GRIP1: variants seen among roughly 807,000 people sequenced by gnomAD.
The protein encoded by GRIP1 is glutamate receptor-interacting protein 1.
A neutral mutation model predicts 129.9 loss-of-function variants in GRIP1; 45 were observed. The ratio of observed to expected loss-of-function variants is 0.35; its 90% CI spans 0.27 to 0.44. The LOEUF (loss-of-function observed/expected upper bound fraction) is 0.44. GRIP1 is among the 20% of genes least tolerant of loss of function. GRIP1 has a pLI of 1.00. For missense variants in GRIP1, 1,196 were observed against 1,396.8 expected, an observed-to-expected ratio of 0.86 and a Z score of 2.29; for synonymous variants, 530 against 520.8, an observed-to-expected ratio of 1.02 and a Z score of -0.24.
chr12:66,723,307 T>C lies in GRIP1; in HGVS notation c.-420+80746A>G, dbSNP rs60196018. ...TCCTTTCTTTCTTTCTTTCTTTCTTTTTTTTTTTTTTTTTTTTTTTTTTGA... is the reference window on the plus strand; with the variant it reads ...TCCTTTCTTTCTTTCTTTCTTTCTTCTTTTTTTTTTTTTTTTTTTTTTTGA... On this transcript the variant is annotated intron_variant, in intron 1 of 4. Coordinates refer to the GRIP1 transcript ENST00000538373. Among the ~76,000 whole-genome samples, 10 of 25,958 alleles carry C rather than the reference T, an allele frequency of 3.9e-4. 1 individual carries two copies. The highest frequency in any genetic ancestry group is 1.6e-3 in the African/African-American group (8 of 5,090). The allele number at this position is 25,958 out of a possible 152,430, so 17.0% of individuals were successfully genotyped here.
rs141953032 is a variant in GRIP1 at position 66,458,586 on chromosome 12, T to C, written c.1043-2244A>G. Among the ~76,000 whole-genome samples, 249 of 152,316 alleles carry C rather than the reference T, an allele frequency of 1.6e-3. 5 individuals carry two copies. The East Asian group carries it at 0.03, about 18-fold the overall frequency. ...TTTTGGTAGAGATGGGGTTTTGCCA[T>C]GTTAGCCAGGCTGGTCTCAAACTCC... On this transcript the variant is annotated intron_variant, in intron 9 of 24. Coordinates refer to ENST00000359742, the MANE Select transcript of GRIP1 (RefSeq NM_001366722.1).
chr12:66,711,642 G>A (rs530661794), intron 1 of GRIP1, among the ~76,000 whole-genome samples: 2 of 151,694 alleles, frequency 1.3e-5, no homozygotes, highest in African/African-American at 4.8e-5. Flanking sequence ...TCCAATCCTT[G>A]GTAAATTTAT....
chr12:66,505,719 G>A (rs915982879), intron 7 of GRIP1, among the ~76,000 whole-genome samples: 2 of 152,064 alleles, frequency 1.3e-5, no homozygotes, highest in Non-Finnish European at 2.9e-5. Context: ...TAACCCAAAA[G>A]TTTGTTGGAA....
chr12:66,579,323 A>G (rs2063277278), intron 2 of GRIP1, among the ~76,000 whole-genome samples: 1 of 152,220 alleles, frequency 6.6e-6, no homozygotes, highest in Non-Finnish European at 1.5e-5. Flanking sequence ...AACAGAGCAG[A>G]AAAACTGGAA....
chr12:66,504,942 T>C (rs914373233), intron 7 of GRIP1, among the ~76,000 whole-genome samples: 1 of 152,200 alleles, frequency 6.6e-6, no homozygotes, highest in Non-Finnish European at 1.5e-5. Flanking sequence ...TTCCAACTAC[T>C]GGCATTTCTT....
intron 1 of GRIP1, among the ~76,000 whole-genome samples, chr12:66,959,711 TTTC>T (rs1331957695): frequency 6.6e-6 from 1 of 152,180 alleles, no homozygotes; most frequent in Admixed American, 6.5e-5. Flanking sequence ...CTCTTTCCAC[TTTC>T]TTATTTCTTA....
intron 11 of GRIP1, among the ~76,000 whole-genome samples, chr12:66,453,732 C>T (rs1406676210): frequency 6.6e-6 from 1 of 152,176 alleles, no homozygotes; most frequent in African/African-American, 2.4e-5. Flanking sequence ...GCAGTCTTCA[C>T]AATTACCCAA....
At chr12:66,700,868 T>C (rs940644525) in intron 1 of GRIP1, among the ~76,000 whole-genome samples, 5 of 152,256 alleles carry the variant, frequency 3.3e-5, no homozygotes, top group African/African-American at 1.2e-4. Context: ...GGCTCCATGA[T>C]GTCCTCTTTC....
At chr12:67,037,870 G>A (rs558698026) in intron 1 of GRIP1, among the ~76,000 whole-genome samples, 8 of 152,290 alleles carry the variant, frequency 5.3e-5, no homozygotes, top group African/African-American at 1.4e-4. Context: ...AAAGTAGACC[G>A]TGCTTCAACT....
At chr12:66,928,138 C>T (rs2041327070) in intron 1 of GRIP1, among the ~76,000 whole-genome samples, 1 of 152,164 alleles carries the variant, frequency 6.6e-6, no homozygotes, top group Admixed American at 6.5e-5. Flanking sequence ...TTGTTTATGC[C>T]AGTTTTAGTG....
chr12:66,985,444 C>T (rs2042298109), intron 1 of GRIP1, among the ~76,000 whole-genome samples: 1 of 152,118 alleles, frequency 6.6e-6, no homozygotes, highest in Non-Finnish European at 1.5e-5. Context: ...CAATGTCCTA[C>T]TATAATTAAA....
chr12:66,591,600 C>T (rs541464921), intron 2 of GRIP1, among the ~76,000 whole-genome samples: 1 of 152,206 alleles, frequency 6.6e-6, no homozygotes, highest in African/African-American at 2.4e-5. Context: ...GGTTTCTCAT[C>T]CCTGAGATGC....
intron 1 of GRIP1, among the ~76,000 whole-genome samples, chr12:66,822,868 T>A (rs1411854935): frequency 6.6e-6 from 1 of 152,144 alleles, no homozygotes; most frequent in Non-Finnish European, 1.5e-5. Flanking sequence ...GTCAAAAAAC[T>A]GTTGGGTACT....
intron 1 of GRIP1, among the ~76,000 whole-genome samples, chr12:66,952,957 T>A (rs2041781432): frequency 6.6e-6 from 1 of 152,214 alleles, no homozygotes; most frequent in African/African-American, 2.4e-5. Context: ...AAAAATATGC[T>A]ATATAGCTTG....
At chr12:66,767,509 A>C (rs1027720992) in intron 1 of GRIP1, among the ~76,000 whole-genome samples, 1 of 152,128 alleles carries the variant, frequency 6.6e-6, no homozygotes, top group African/African-American at 2.4e-5. Flanking sequence ...ACTAAACAAT[A>C]AAAGCTGAAG....
Position 66,750,682 on chromosome 12 carries a change from T to G in GRIP1, c.-420+53371A>C, listed in dbSNP as rs553240914. Among the ~76,000 whole-genome samples the G allele has an allele frequency of 6.6e-5, 10 of 152,266 alleles. No homozygotes were observed. The South Asian group carries it at 2.1e-3, about 32-fold the overall frequency. On this transcript the variant is annotated intron_variant, in intron 1 of 4. Coordinates refer to the GRIP1 transcript ENST00000538373. ...CAGCTTTAAGGACAGAGAGCTGCAT[T>G]AGAATAACAACTTTGAATAAATCTG...
intron 1 of GRIP1, among the ~76,000 whole-genome samples, chr12:66,999,901 C>T (rs1014604774): frequency 1.3e-5 from 2 of 152,116 alleles, no homozygotes; most frequent in African/African-American, 4.8e-5. Flanking sequence ...CTTACACCTT[C>T]CTGCACTCAT....
At chr12:66,960,756 A>T (rs1278851793) in intron 1 of GRIP1, among the ~76,000 whole-genome samples, 1 of 152,112 alleles carries the variant, frequency 6.6e-6, no homozygotes, top group Non-Finnish European at 1.5e-5. Flanking sequence ...GCTGCTAAAC[A>T]TCCTATATAC....
chr12:67,042,698 GACAATTTAGTGGTGAGA>G (rs931775243), intron 1 of GRIP1, among the ~76,000 whole-genome samples: 1 of 152,154 alleles, frequency 6.6e-6, no homozygotes, highest in Non-Finnish European at 1.5e-5. Flanking sequence ...CAGGACTGAG[GACAATTTAGTGGTGAGA>G]ACAATTAGAA....
Sources: allele counts gnomAD v4.1 joint callset (sites outside exome capture counted in the v4.1 genomes callset), GRCh38; gene constraint gnomAD v4.1.1; transcripts MANE v1.5; gene names NCBI Gene and HGNC (gene_info 2026-07-23, HGNC 2026-07-21).